RIMS2: variants seen among roughly 807,000 people sequenced by gnomAD.
The protein encoded by RIMS2 is regulating synaptic membrane exocytosis protein 2.
Under a neutral mutation model 174.4 loss-of-function variants are expected in RIMS2, and 59 were observed. That is an observed-to-expected ratio of 0.34 (90% CI 0.27 to 0.42). RIMS2 has a LOEUF of 0.42. Ranked by LOEUF, RIMS2 falls within the 10% of genes least tolerant of loss-of-function variation. The pLI is 1.00. For missense variants in RIMS2, 1,620 were observed against 1,666.3 expected (o/e 0.97, Z 0.48); for synonymous variants, 606 against 572.5 (o/e 1.06, Z -0.84).
At chr8:104,252,100 ATCAG>A (rs1219592734), downstream of RIMS2, 10 of 454,916 alleles carry the variant, frequency 2.2e-5, no homozygotes, top group Non-Finnish European at 3.1e-5. Flanking sequence ...ATCTCAAAGA[ATCAG>A]TCAGTTTCAT....
rs1202840687 is a variant in RIMS2, at chr8:103,756,952, C to A, written c.388-9275C>A. 2.0e-5 allele frequency among the ~76,000 whole-genome samples: 3 copies of A among 148,334 alleles called. No individual in the cohort carries two copies. The East Asian group carries it at 6.0e-4, about 29-fold the overall frequency. On this transcript the variant is annotated intron_variant, in intron 2 of 23. Coordinates refer to ENST00000504942, the Ensembl canonical transcript of RIMS2. The stretch of plus-strand genomic sequence containing the variant: ...TGTTCAAATAAGGACAGTTTTATTT[C>A]ATCCTTTCTCGTATGTGTGTGTGTG...
intron 19 of RIMS2, among the ~76,000 whole-genome samples, chr8:104,209,978 G>A (rs759059921): frequency 3.3e-5 from 5 of 152,100 alleles, no homozygotes; most frequent in Non-Finnish European, 5.9e-5. Context: ...CAATCACTAC[G>A]TATTTTTAAA....
chr8:104,075,030 G>A, intron 19 of RIMS2, among the ~76,000 whole-genome samples: 1 of 152,100 alleles, frequency 6.6e-6, no homozygotes, highest in Admixed American at 6.6e-5. Flanking sequence ...TAATTTTACA[G>A]CAGTGATAGA....
chr8:103,656,918 A>G (rs976480811), intron 1 of RIMS2, among the ~76,000 whole-genome samples: 4 of 152,180 alleles, frequency 2.6e-5, no homozygotes, highest in African/African-American at 9.6e-5. Context: ...TGGGAGTACC[A>G]TCAAGCTCTG....
chr8:104,204,602 C>T (rs1024225658), intron 19 of RIMS2, among the ~76,000 whole-genome samples: 3 of 151,896 alleles, frequency 2.0e-5, no homozygotes, highest in Non-Finnish European at 4.4e-5. Flanking sequence ...GACCTCAATT[C>T]CTCAACCTCA....
chr8:104,181,083 C>T (rs868510641), intron 19 of RIMS2, among the ~76,000 whole-genome samples: 86 of 151,726 alleles, frequency 5.7e-4, no homozygotes, highest in Middle Eastern at 3.4e-3. Context: ...GTGAGTTAAA[C>T]AGTTTTAATC....
chr8:104,058,759 A>G (rs1480060920), intron 19 of RIMS2, among the ~76,000 whole-genome samples: 1 of 152,184 alleles, frequency 6.6e-6, no homozygotes, highest in African/African-American at 2.4e-5. Context: ...GGCGTAAGGA[A>G]GGGATCCAGT....
chr8:103,859,437 T>C (rs2099047024), intron 3 of RIMS2, among the ~76,000 whole-genome samples: 1 of 152,144 alleles, frequency 6.6e-6, no homozygotes, highest in South Asian at 2.1e-4. Flanking sequence ...ACAGAATTTT[T>C]TGTGGCAATT....
intron 19 of RIMS2, among the ~76,000 whole-genome samples, chr8:104,239,233 T>C (rs886067333): frequency 6.6e-6 from 1 of 152,200 alleles, no homozygotes; most frequent in Non-Finnish European, 1.5e-5. Flanking sequence ...CAGATATTAT[T>C]AGGGGAAACT....
intron 2 of RIMS2, among the ~76,000 whole-genome samples, chr8:103,708,725 C>T (rs2137830826): frequency 6.6e-6 from 1 of 152,236 alleles, no homozygotes; most frequent in Admixed American, 6.5e-5. Context: ...TAGCATTTTT[C>T]ACTTGCTGCT....
intron 19 of RIMS2, among the ~76,000 whole-genome samples, chr8:104,198,816 C>A (rs2099038831): frequency 6.6e-6 from 1 of 152,100 alleles, no homozygotes; most frequent in Non-Finnish European, 1.5e-5. Flanking sequence ...CCACCACCAT[C>A]TTCTTAGGGT....
intron 19 of RIMS2, among the ~76,000 whole-genome samples, chr8:104,086,950 C>T (rs1199712646): frequency 6.6e-6 from 1 of 152,076 alleles, no homozygotes; most frequent in Non-Finnish European, 1.5e-5. Context: ...GTTCAGTGAC[C>T]ACTTGGTAAC....
rs115398467 is a variant in RIMS2, at chr8:104,153,508, T to A, written c.3335-91408T>A. Reference sequence around the variant, plus strand: ...TCAGCCTCATAGGGGAATCAAGAGTTCTGTTTTAGACATGATTTTGATTTT... The same window carrying A: ...TCAGCCTCATAGGGGAATCAAGAGTACTGTTTTAGACATGATTTTGATTTT... On this transcript the variant is annotated intron_variant, in intron 19 of 23. Coordinates refer to ENST00000504942, the Ensembl canonical transcript of RIMS2. Among the ~76,000 whole-genome samples the A allele has an allele frequency of 5.0e-3, 764 of 152,312 alleles. 9 individuals are homozygous for A. The highest frequency in any genetic ancestry group is 0.017 in the African/African-American group (691 of 41,570).
At chr8:103,904,513 T>G (rs1270907077) in intron 4 of RIMS2, among the ~76,000 whole-genome samples, 1 of 152,068 alleles carries the variant, frequency 6.6e-6, no homozygotes, top group Non-Finnish European at 1.5e-5. Context: ...TTAAAAACCA[T>G]GAATGCATTT....
chr8:103,673,346 C>T (rs2096768778), intron 1 of RIMS2, among the ~76,000 whole-genome samples: 1 of 152,192 alleles, frequency 6.6e-6, no homozygotes, highest in Admixed American at 6.5e-5. Flanking sequence ...AGCTCCAACC[C>T]CACATTTCTC....
At chr8:104,166,006 A>ATGCT (rs1422220414) in intron 19 of RIMS2, among the ~76,000 whole-genome samples, 2 of 151,602 alleles carry the variant, frequency 1.3e-5, no homozygotes, top group Non-Finnish European at 2.9e-5. Context: ...AGTGCACAAA[A>ATGCT]TGCTATAAGA....
intron 2 of RIMS2, among the ~76,000 whole-genome samples, chr8:103,747,624 A>G (rs968217832): frequency 6.6e-6 from 1 of 152,092 alleles, no homozygotes; most frequent in African/African-American, 2.4e-5. Flanking sequence ...GTGAGATGTC[A>G]TCTTTGTGGA....
chr8:103,769,849 A>G (rs1294804271), intron 3 of RIMS2, among the ~76,000 whole-genome samples: 5 of 152,162 alleles, frequency 3.3e-5, no homozygotes, highest in Non-Finnish European at 5.9e-5. Flanking sequence ...CATACTGTAT[A>G]TCTTCTTTCC....
intron 3 of RIMS2, among the ~76,000 whole-genome samples, chr8:103,833,389 G>T (rs1353682928): frequency 1.3e-5 from 2 of 151,986 alleles, no homozygotes; most frequent in Non-Finnish European, 2.9e-5. Context: ...CTTTGTATGT[G>T]TATAAATTTA....
Sources: gnomAD v4.1 joint callset for allele counts (sites outside exome capture counted in the v4.1 genomes callset) on GRCh38, gnomAD v4.1.1 for gene constraint, MANE v1.5 for transcripts, NCBI Gene and HGNC (gene_info 2026-07-23, HGNC 2026-07-21) for gene names.